The following PRR23D1 variants were observed in gnomAD, a reference collection of about 807,000 sequenced individuals.
PRR23D1 encodes the protein proline-rich protein 23D1.
At chr8:7,536,842 C>T (rs1292656541), upstream of PRR23D1, among the ~76,000 whole-genome samples, 1 of 147,798 alleles carries the variant, frequency 6.8e-6, no homozygotes, top group African/African-American at 2.6e-5. Flanking sequence ...AGATACCGTG[C>T]TCCATTTGCA....
upstream of PRR23D1, among the ~76,000 whole-genome samples, chr8:7,536,688 C>A (rs1276926702): frequency 7.4e-6 from 1 of 136,034 alleles, no homozygotes; most frequent in East Asian, 2.1e-4. Flanking sequence ...AGATCTCTGG[C>A]ATTAAAGCAT....
upstream of PRR23D1, among the ~76,000 whole-genome samples, chr8:7,538,804 C>G (rs1221445110): frequency 1.3e-5 from 2 of 151,998 alleles, no homozygotes; most frequent in African/African-American, 4.8e-5. Flanking sequence ...GATTAATACA[C>G]AATGATATAT....
At chr8:7,540,807 GT>G (rs1187534955) in intron 2 of PRR23D1, 101 bp downstream of exon 2, 5 of 566,084 alleles carry the variant, frequency 8.8e-6, no homozygotes, top group Non-Finnish European at 1.3e-5. Flanking sequence ...TGCAGGGTGA[GT>G]GGAAAGTCGT....
upstream of PRR23D1, among the ~76,000 whole-genome samples, chr8:7,536,851 C>T (rs1390180827): frequency 6.8e-6 from 1 of 146,846 alleles, no homozygotes; most frequent in East Asian, 1.9e-4. Context: ...GCTCCATTTG[C>T]ATTTGATCTT....
upstream of PRR23D1, among the ~76,000 whole-genome samples, chr8:7,538,764 G>T (rs1323021310): frequency 1.3e-5 from 2 of 151,626 alleles, no homozygotes; most frequent in Non-Finnish European, 2.9e-5. Flanking sequence ...AGTCCAGCGG[G>T]GATACAGGCA....
At chr8:7,536,921 A>G (rs1030249342), upstream of PRR23D1, among the ~76,000 whole-genome samples, 2 of 132,494 alleles carry the variant, frequency 1.5e-5, no homozygotes, top group African/African-American at 3.1e-5. Context: ...GTCAACCGCT[A>G]AACAGTGAAG....
At chr8:7,541,098 T>TCCCTTG in intron 3 of PRR23D1, 79 bp downstream of exon 3, 1 of 1,317,062 alleles carries the variant, frequency 7.6e-7, no homozygotes, top group Non-Finnish European at 1.1e-6. Context: ...CCAGTGGATG[T>TCCCTTG]ATATTTAGGT....
At chr8:7,536,810 A>G (rs1180167041), upstream of PRR23D1, among the ~76,000 whole-genome samples, 1 of 148,736 alleles carries the variant, frequency 6.7e-6, no homozygotes, top group African/African-American at 2.6e-5. Context: ...CCTCTTTCAT[A>G]AAAAAAAAAG....
chr8:7,536,989 T>C (rs1448255406), upstream of PRR23D1, among the ~76,000 whole-genome samples: 18 of 116,876 alleles, frequency 1.5e-4, no homozygotes, highest in South Asian at 1.4e-3. Flanking sequence ...ACTCGCTTTC[T>C]GGTCGTGCGG....
upstream of PRR23D1, among the ~76,000 whole-genome samples, chr8:7,536,734 C>A (rs1273290006): frequency 6.9e-6 from 1 of 145,220 alleles, no homozygotes; most frequent in Non-Finnish European, 1.5e-5. Context: ...GCTCCTCTTT[C>A]CTCCACATAC....
At chr8:7,536,807 C>G (rs1812655464), upstream of PRR23D1, among the ~76,000 whole-genome samples, 1 of 148,736 alleles carries the variant, frequency 6.7e-6, no homozygotes, top group Non-Finnish European at 1.5e-5. Flanking sequence ...CACCCTCTTT[C>G]ATAAAAAAAA....
chr8:7,540,639 CT>C lies in PRR23D1; in HGVS notation c.78-5del. ...GAAGATTGATGGGTCCCTTTCTGTCCTGCAGTTTGGCTACCACACAAATGAA... is the reference window on the plus strand; with the variant it reads ...GAAGATTGATGGGTCCCTTTCTGTCCGCAGTTTGGCTACCACACAAATGAA... On this transcript the variant is annotated splice_polypyrimidine_tract_variant and splice_region_variant and intron_variant, in intron 1 of 3. Coordinates refer to ENST00000533250, the MANE Select transcript of PRR23D1 (RefSeq NM_001282479.1). 2.4e-6 allele frequency: 1 copy of C among 409,130 alleles called. No homozygotes were observed. Among genetic ancestry groups the C allele is most frequent in the Non-Finnish European group, 4.2e-6 (1 of 240,806 alleles). 25.3% of individuals were successfully genotyped at this position (409,130 alleles called of 1,614,324 possible). A position where few individuals can be genotyped will look rare whatever the true frequency, so the allele number is the denominator to read the frequency against.
chr8:7,536,709 G>A (rs1812651089), upstream of PRR23D1, among the ~76,000 whole-genome samples: 2 of 140,406 alleles, frequency 1.4e-5, no homozygotes, highest in African/African-American at 5.5e-5. Flanking sequence ...CACACAGAAT[G>A]TTTCTCTTAT....
chr8:7,536,819 A>G (rs534650946), upstream of PRR23D1, among the ~76,000 whole-genome samples: 34 of 149,150 alleles, frequency 2.3e-4, 1 homozygote, highest in East Asian at 1.9e-3. Flanking sequence ...TAAAAAAAAA[A>G]GAAAAAGAAA....
chr8:7,536,840 T>TG (rs1322628716), upstream of PRR23D1, among the ~76,000 whole-genome samples: 1 of 146,458 alleles, frequency 6.8e-6, no homozygotes, highest in Non-Finnish European at 1.5e-5. Context: ...AAAGATACCG[T>TG]GCTCCATTTG....
At chr8:7,537,041 CAAGG>C (rs1563373924), upstream of PRR23D1, among the ~76,000 whole-genome samples, 1 of 114,120 alleles carries the variant, frequency 8.8e-6, no homozygotes, top group East Asian at 2.3e-4. Flanking sequence ...GCCAGATCGC[CAAGG>C]AAGAAGGGAA....
chr8:7,536,754 A>G (rs1341562773), upstream of PRR23D1, among the ~76,000 whole-genome samples: 6 of 146,756 alleles, frequency 4.1e-5, 1 homozygote, highest in African/African-American at 1.6e-4. Flanking sequence ...CAGGGAATCA[A>G]CAGACTATTT....
chr8:7,536,859 C>T (rs1166235942), upstream of PRR23D1, among the ~76,000 whole-genome samples: 3 of 145,926 alleles, frequency 2.1e-5, no homozygotes, highest in Admixed American at 6.7e-5. Flanking sequence ...TGCATTTGAT[C>T]TTCCAAAAGG....
Position 7,541,519 on chromosome 8 carries a change from GA to G in PRR23D1, c.481del (p.Arg161GlufsTer22). The stretch of plus-strand genomic sequence containing the variant: ...CAAGATGGAGACATCTCAGACATGA[GA>G]AGAGAGAATGTGCCTTTTTCACCTG... Reference protein sequence around the residue: ...HAQDGDISDMRRENVPFSPAE... With the variant: ...HAQDGDISDMXRENVPFSPAE... On this transcript the variant is annotated frameshift_variant, in exon 4 of 4. Transcript: ENST00000533250. LOFTEE classifies it high-confidence loss of function. The G allele has an allele frequency of 8.9e-5, 32 of 359,254 alleles. No homozygotes were observed. Among genetic ancestry groups the G allele is most frequent in the South Asian group, 6.0e-4 (25 of 41,606 alleles). The allele number at this position is 359,254 out of a possible 1,614,324, so 22.3% of individuals were successfully genotyped here.
Sources: gnomAD v4.1 joint callset for allele counts (sites outside exome capture counted in the v4.1 genomes callset) on GRCh38, gnomAD v4.1.1 for gene constraint, MANE v1.5 for transcripts, NCBI Gene and HGNC (gene_info 2026-07-23, HGNC 2026-07-21) for gene names.